DUSP13A: variants seen among roughly 807,000 people sequenced by gnomAD.
DUSP13A encodes dual specificity protein phosphatase 13A.
At chr10:75,108,341 G>T in the DUSP13A span, 1 of 1,435,804 alleles carries the variant, frequency 7.0e-7, no homozygotes, top group Non-Finnish European at 9.1e-7. Flanking sequence ...CAAGCTCCAA[G>T]TGGGGTCTGA....
chr10:75,107,057 C>T, the DUSP13A span, among the ~76,000 whole-genome samples: 102 of 152,066 alleles, frequency 6.7e-4, no homozygotes, highest in Non-Finnish European at 1.1e-3. Context: ...CTTTGGGGGC[C>T]GGGTGCGGTG....
chr10:75,106,609 C>T, the DUSP13A span, among the ~76,000 whole-genome samples: 67 of 152,314 alleles, frequency 4.4e-4, no homozygotes, highest in African/African-American at 1.5e-3. Context: ...TTAGCACCCC[C>T]GCCGTGTGCT....
the DUSP13A span, chr10:75,108,206 G>T: frequency 6.3e-7 from 1 of 1,598,574 alleles, no homozygotes; most frequent in East Asian, 2.2e-5. Context: ...TGTTTGCCGT[G>T]GCCCTGGGGA....
chr10:75,108,500 G>A, the DUSP13A span, among the ~76,000 whole-genome samples: 1 of 152,130 alleles, frequency 6.6e-6, no homozygotes, highest in Non-Finnish European at 1.5e-5. Flanking sequence ...TTCAGCCCTG[G>A]AACCTGGCTG....
chr10:75,105,710 A>C, the DUSP13A span: 1 of 1,552,824 alleles, frequency 6.4e-7, no homozygotes, highest in Non-Finnish European at 8.7e-7. Flanking sequence ...TCCAGCCTGC[A>C]GAGCTGGTGC....
At chr10:75,108,950 G>T in the DUSP13A span, 1 of 1,537,544 alleles carries the variant, frequency 6.5e-7, no homozygotes, top group South Asian at 1.3e-5. Flanking sequence ...CTGGTAAAGC[G>T]ACCAAGAACT....
chr10:75,105,689 G>T, the DUSP13A span: 32 of 1,549,696 alleles, frequency 2.1e-5, no homozygotes, highest in African/African-American at 2.7e-5. Flanking sequence ...CCGGCACCCC[G>T]CAGTTGCTGG....
chr10:75,108,101 G>A, the DUSP13A span: 2 of 1,613,740 alleles, frequency 1.2e-6, no homozygotes, highest in Admixed American at 1.7e-5. Flanking sequence ...AGCTCACACT[G>A]CTGCCGTAGA....
chr10:75,106,586 C>T, the DUSP13A span, among the ~76,000 whole-genome samples: 2 of 152,208 alleles, frequency 1.3e-5, no homozygotes, highest in African/African-American at 2.4e-5. Context: ...CCCACCTTCC[C>T]GATCCTCTGG....
At chr10:75,105,895 C>G in the DUSP13A span, 3 of 1,540,788 alleles carry the variant, frequency 1.9e-6, no homozygotes, top group Non-Finnish European at 8.8e-7. Flanking sequence ...GGTGAAAAAC[C>G]CTGTCCCACA....
the DUSP13A span, chr10:75,107,925 A>C: frequency 1.3e-6 from 2 of 1,502,232 alleles, no homozygotes; most frequent in Non-Finnish European, 1.8e-6. Context: ...CTGATGACTG[A>C]GAGGAAATGA....
chr10:75,107,833 T>A, the DUSP13A span, among the ~76,000 whole-genome samples: 1 of 152,056 alleles, frequency 6.6e-6, no homozygotes, highest in Non-Finnish European at 1.5e-5. Context: ...CACCTCGGCC[T>A]CCCAAAGTGC....
chr10:75,108,581 C>G, the DUSP13A span, among the ~76,000 whole-genome samples: 1 of 152,196 alleles, frequency 6.6e-6, no homozygotes. Context: ...ATACCTGCTT[C>G]TAACCTACAA....
the DUSP13A span, chr10:75,108,203 C>T: frequency 6.9e-6 from 11 of 1,601,936 alleles, no homozygotes; most frequent in African/African-American, 4.0e-5. Context: ...GGTTGTTTGC[C>T]GTGGCCCTGG....
chr10:75,108,489 C>T, the DUSP13A span, among the ~76,000 whole-genome samples: 335 of 152,292 alleles, frequency 2.2e-3, 1 homozygote, highest in African/African-American at 7.7e-3. Context: ...GAAGGGATTG[C>T]TTCAGCCCTG....
the DUSP13A span, chr10:75,108,394 G>A: frequency 2.7e-6 from 3 of 1,128,178 alleles, no homozygotes; most frequent in Non-Finnish European, 3.6e-6. Context: ...TCTGGTGGCT[G>A]AGCCGGCGGT....
At chr10:75,108,202 C>T in the DUSP13A span, 12 of 1,602,350 alleles carry the variant, frequency 7.5e-6, no homozygotes, top group Non-Finnish European at 1.0e-5. Context: ...CGGTTGTTTG[C>T]CGTGGCCCTG....
At chr10:75,108,006 AG>A in the DUSP13A span, 3 of 1,612,762 alleles carry the variant, frequency 1.9e-6, no homozygotes, top group African/African-American at 1.3e-5. Context: ...AGGCGTGTTG[AG>A]GGCACGGTGG....
chr10:75,106,022 C>A, the DUSP13A span, among the ~76,000 whole-genome samples: 13 of 151,834 alleles, frequency 8.6e-5, no homozygotes, highest in Admixed American at 6.6e-5. Flanking sequence ...GTTTCCTGAT[C>A]GGTAAAATGG....
Sources: gnomAD v4.1 joint callset for allele counts (sites outside exome capture counted in the v4.1 genomes callset) on GRCh38, gnomAD v4.1.1 for gene constraint, MANE v1.5 for transcripts, NCBI Gene and HGNC (gene_info 2026-07-23, HGNC 2026-07-21) for gene names.